The following MON1A variants were observed in gnomAD, a reference collection of about 807,000 sequenced individuals.
MON1A encodes vacuolar fusion protein MON1 homolog A.
In MON1A, 29 loss-of-function variants were observed where a neutral mutation model predicts 44.6. That is an observed-to-expected ratio of 0.65 (90% CI 0.48 to 0.89). The LOEUF (loss-of-function observed/expected upper bound fraction) is 0.89, where lower values mean the gene tolerates loss of function less well. MON1A is among the 40% of genes least tolerant of loss of function. MON1A has a pLI of 0.00. For missense variants in MON1A, 615 were observed against 759.6 expected (o/e 0.81, Z 2.24); for synonymous variants, 275 against 316.4 (o/e 0.87, Z 1.39).
intron 1 of MON1A, chr3:49,915,884 G>A (rs995295487): frequency 6.6e-6 from 1 of 152,248 alleles, no homozygotes; most frequent in Admixed American, 6.5e-5. Context: ...GAGGCTGGTA[G>A]CAAGGCTTAT....
At chr3:49,929,340 C>T in intron 1 of MON1A, 1 of 478,164 alleles carries the variant, frequency 2.1e-6, no homozygotes, top group Non-Finnish European at 3.6e-6. Context: ...GTTGGCGGGG[C>T]GGGGGTGGGG....
At chr3:49,922,527 G>A (rs1328213194) in intron 1 of MON1A, among the ~76,000 whole-genome samples, 1 of 123,944 alleles carries the variant, frequency 8.1e-6, no homozygotes, top group Non-Finnish European at 1.7e-5. Flanking sequence ...GGGAGAGAAG[G>A]AAGGAGGGAG....
rs1177840679 is a variant in MON1A, at chr3:49,911,442, C to A, written c.613+84G>T. 2.0e-6 allele frequency: 3 copies of A among 1,516,094 alleles called. No homozygotes were observed. The highest frequency in any genetic ancestry group is 1.8e-6 in the Non-Finnish European group (2 of 1,134,366). The allele number at this position is 1,516,094 out of a possible 1,614,324, so 93.9% of individuals were successfully genotyped here. A position where few individuals can be genotyped will look rare whatever the true frequency, so the allele number is the denominator to read the frequency against. On this transcript the variant is annotated intron_variant, in intron 3 of 5. Transcript: ENST00000296473. The surrounding 1 kb of genome is among the most constrained non-coding windows in gnomAD (Gnocchi z 5.7). The stretch of plus-strand genomic sequence containing the variant: ...CCTCAGTCACACAGCACATCCCAGC[C>A]CTCTGGTCTGCAGGGGTCCAAAACC...
Position 49,910,908 on chromosome 3 carries a change from G to A in MON1A, c.614-24C>T. 6.4e-7 allele frequency: 1 copy of A among 1,565,730 alleles called. No homozygotes were observed. Among genetic ancestry groups the A allele is most frequent in the Middle Eastern group, 1.7e-4 (1 of 5,816 alleles). ...ATCTGAGAGCGGGACAGGAAAGAAG[G>A]ATGTCAGCCTCAGCGGCAGCTCCCT... On this transcript the variant is annotated intron_variant, in intron 3 of 5. Transcript: ENST00000296473. This position sits in a 1 kb window ranked among gnomAD's most constrained non-coding sequence, Gnocchi z 8.0.
chr3:49,913,114 T>C, intron 2 of MON1A, 106 bp downstream of exon 2: 1 of 1,470,866 alleles, frequency 6.8e-7, no homozygotes, highest in Middle Eastern at 1.7e-4. Flanking sequence ...AATGAGTGAC[T>C]GACAAATGCA....
At chr3:49,913,469 A>G in intron 1 of MON1A, 110 bp from the exon 2 acceptor site, 1 of 994,926 alleles carries the variant, frequency 1.0e-6, no homozygotes, top group Non-Finnish European at 1.4e-6. Flanking sequence ...CACTAACTCA[A>G]ATCTCTAGAA....
chr3:49,928,250 G>C (rs986301321), intron 1 of MON1A, among the ~76,000 whole-genome samples: 1 of 152,168 alleles, frequency 6.6e-6, no homozygotes, highest in Non-Finnish European at 1.5e-5. Flanking sequence ...GCCTGATGAA[G>C]CAAACAGCTC....
intron 1 of MON1A, among the ~76,000 whole-genome samples, chr3:49,928,640 T>G (rs1355289065): frequency 6.6e-6 from 1 of 152,114 alleles, no homozygotes; most frequent in African/African-American, 2.4e-5. Context: ...TCTTCTTGCT[T>G]GGATAGCACT....
rs769792471 is a variant in MON1A, at chr3:49,929,622, G to A, written c.-27C>T. On this transcript the variant is annotated 5_prime_UTR_variant, in exon 1 of 6. Transcript: ENST00000296473. ...CAGTCAACTCACCTGTTTCTCAGAG[G>A]AGTCCAGGACGCACAGAAGGTGCCG... 7 of 1,551,560 alleles carry A rather than the reference G, an allele frequency of 4.5e-6. No homozygotes were observed. Among genetic ancestry groups the A allele is most frequent in the Middle Eastern group, 1.7e-4 (1 of 5,986 alleles).
At chr3:49,914,108 G>A (rs1358302259) in intron 1 of MON1A, among the ~76,000 whole-genome samples, 5 of 68,562 alleles carry the variant, frequency 7.3e-5, no homozygotes, top group Admixed American at 1.6e-4. Flanking sequence ...TTTTTTTTTT[G>A]AGACGGAGTT....
At chr3:49,926,818 G>A (rs1310289460) in intron 1 of MON1A, among the ~76,000 whole-genome samples, 26 of 145,458 alleles carry the variant, frequency 1.8e-4, no homozygotes, top group African/African-American at 4.4e-4. Context: ...TCATTCTGTC[G>A]CCCAGGCTGG....
chr3:49,928,027 G>A (rs2083064782), intron 1 of MON1A, among the ~76,000 whole-genome samples: 1 of 152,176 alleles, frequency 6.6e-6, no homozygotes, highest in Non-Finnish European at 1.5e-5. Flanking sequence ...TCTGTCCTCA[G>A]GGCCCACTCT....
At chr3:49,929,255 A>G in intron 1 of MON1A, 1 of 357,614 alleles carries the variant, frequency 2.8e-6, no homozygotes, top group Non-Finnish European at 5.1e-6. Context: ...AGCCCCTTCC[A>G]GGTGCTGCCC....
At position 49,910,623 on chromosome 3, in the gene MON1A, GCCC is replaced by G; in HGVS notation, c.872_874del (p.Gly291del). The G allele has an allele frequency of 6.2e-7, 1 of 1,602,274 alleles. No individual in the cohort carries two copies. On this transcript the variant is annotated inframe_deletion, in exon 4 of 6. Transcript: ENST00000296473. The surrounding 1 kb of genome is among the most constrained non-coding windows in gnomAD (Gnocchi z 8.0). ...CGCCGCCAGGGGCAGGCACCGTGCCGCCCCCATCAGGAAGCTGGGGTCTCGTGC... is the reference window on the plus strand; with the variant it reads ...CGCCGCCAGGGGCAGGCACCGTGCCGCCATCAGGAAGCTGGGGTCTCGTGC...
At position 49,910,422 on chromosome 3, in the gene MON1A, C is replaced by T; in HGVS notation, c.1076G>A (p.Arg359His). The T allele has an allele frequency of 1.2e-6, 2 of 1,614,210 alleles. No individual in the cohort carries two copies. The highest frequency in any genetic ancestry group is 1.7e-6 in the Non-Finnish European group (2 of 1,180,038). Reference sequence around the variant, plus strand: ...CACGGGCGTCCAGGCCTCGCCCTCGCGAAAGGACGAGGAGGAACTAATGAG... The same window carrying T: ...CACGGGCGTCCAGGCCTCGCCCTCGTGAAAGGACGAGGAGGAACTAATGAG... ...FNLISSSSSF[R>H]EGEAWTPVCL... The change falls in exon 4 of 6, where the codon CGC becomes CAC. Residue 359 changes from arginine (R) to histidine (H), a missense_variant. Coordinates refer to ENST00000296473, the MANE Select transcript of MON1A (RefSeq NM_032355.4). The surrounding 1 kb of genome is among the most constrained non-coding windows in gnomAD (Gnocchi z 8.0).
chr3:49,910,806 T>C lies in MON1A; in HGVS notation c.692A>G (p.Glu231Gly). 1 of 1,613,580 alleles carries C rather than the reference T, an allele frequency of 6.2e-7. No homozygotes were observed. The highest frequency in any genetic ancestry group is 8.5e-7 in the Non-Finnish European group (1 of 1,179,966). ...AVARTRQSAQ[E>G]LAQELLYIYY... Reference sequence around the variant, plus strand: ...GATGTAGAGCAGCTCCTGCGCCAGCTCTTGTGCCGACTGCCGCGTACGAGC... The same window carrying C: ...GATGTAGAGCAGCTCCTGCGCCAGCCCTTGTGCCGACTGCCGCGTACGAGC... Residue 231 changes from glutamate to glycine, a missense_variant, in exon 4 of 6, where the codon GAG (glutamate) becomes GGG (glycine). Coordinates refer to ENST00000296473, the MANE Select transcript of MON1A (RefSeq NM_032355.4). The surrounding 1 kb of genome is among the most constrained non-coding windows in gnomAD (Gnocchi z 8.0).
At chr3:49,918,143 CCTGA>C (rs1384339788) in intron 1 of MON1A, among the ~76,000 whole-genome samples, 1 of 152,092 alleles carries the variant, frequency 6.6e-6, no homozygotes, top group African/African-American at 2.4e-5. Context: ...TCGCAACCAG[CCTGA>C]CTAACATGGT....
intron 1 of MON1A, chr3:49,924,603 C>A: frequency 4.8e-6 from 1 of 207,010 alleles, no homozygotes. Context: ...CACTTGAACC[C>A]GGGGGGAGGC....
intron 1 of MON1A, among the ~76,000 whole-genome samples, chr3:49,928,180 G>A (rs1490614608): frequency 6.6e-6 from 1 of 152,146 alleles, no homozygotes; most frequent in Non-Finnish European, 1.5e-5. Context: ...TAGTTCTCCT[G>A]CCACCTGAGA....
Sources: allele counts gnomAD v4.1 joint callset (sites outside exome capture counted in the v4.1 genomes callset), GRCh38; gene constraint gnomAD v4.1.1; non-coding constraint Gnocchi (gnomAD v3.1); transcripts MANE v1.5; gene names NCBI Gene and HGNC (gene_info 2026-07-23, HGNC 2026-07-21).